Variants in DLG2 observed in about 807,000 individuals in gnomAD.
The protein encoded by DLG2 is discs large MAGUK scaffold protein 2.
DLG2 carries 45 observed loss-of-function variants against 132.5 expected under a neutral mutation model. That is an observed-to-expected ratio of 0.34 (90% CI 0.27 to 0.44). The LOEUF is 0.44. Ranked by LOEUF, DLG2 falls within the 20% of genes least tolerant of loss-of-function variation. DLG2 has a pLI of 1.00. For missense variants in DLG2, 1,045 were observed against 1,196.9 expected, an observed-to-expected ratio of 0.87 and a Z score of 1.87; for synonymous variants, 424 against 419.6, an observed-to-expected ratio of 1.01 and a Z score of -0.13.
intron 7 of DLG2, among the ~76,000 whole-genome samples, chr11:84,424,504 T>C (rs1226891926): frequency 6.6e-6 from 1 of 152,076 alleles, no homozygotes; most frequent in African/African-American, 2.4e-5. Context: ...ATTCTTATAA[T>C]AGTGCCTATG....
At chr11:84,613,953 G>A (rs917063712) in intron 6 of DLG2, among the ~76,000 whole-genome samples, 8 of 152,102 alleles carry the variant, frequency 5.3e-5, no homozygotes, top group Non-Finnish European at 1.0e-4. Flanking sequence ...TTGTAAAGTG[G>A]GACCTTGCCT....
Position 85,208,871 on chromosome 11 carries a change from C to T in DLG2, c.187-54220G>A, listed in dbSNP as rs562907998. Among the ~76,000 whole-genome samples, 357 of 152,132 alleles carry T rather than the reference C, an allele frequency of 2.3e-3. 3 individuals are homozygous for T. The highest frequency in any genetic ancestry group is 0.014 in the South Asian group (67 of 4,802). On this transcript the variant is annotated intron_variant, in intron 4 of 27. Coordinates refer to ENST00000376104, the MANE Select transcript of DLG2 (RefSeq NM_001142699.3). Reference sequence around the variant, plus strand: ...ACAAGGGAGGGATAGAAGGGCTCTCCGGGGAGAGGTGAGAAGGAGTCCTTC... The same window carrying T: ...ACAAGGGAGGGATAGAAGGGCTCTCTGGGGAGAGGTGAGAAGGAGTCCTTC...
At chr11:84,461,626 T>G (rs1416766854) in intron 7 of DLG2, among the ~76,000 whole-genome samples, 3 of 151,064 alleles carry the variant, frequency 2.0e-5, no homozygotes, top group African/African-American at 7.3e-5. Flanking sequence ...AGGACTTCAT[T>G]GAAGACTTGA....
chr11:84,315,680 C>G (rs1245431543), intron 7 of DLG2, among the ~76,000 whole-genome samples: 1 of 152,056 alleles, frequency 6.6e-6, no homozygotes, highest in Non-Finnish European at 1.5e-5. Flanking sequence ...TTATTTAAAT[C>G]AGGAGGCTGA....
intron 9 of DLG2, among the ~76,000 whole-genome samples, chr11:84,119,487 A>C (rs950484081): frequency 6.6e-6 from 1 of 151,638 alleles, no homozygotes; most frequent in Non-Finnish European, 1.5e-5. Context: ...TCATACAGGT[A>C]ATATATTCAT....
chr11:84,908,092 C>T (rs545625992), intron 6 of DLG2, among the ~76,000 whole-genome samples: 6 of 151,886 alleles, frequency 4.0e-5, no homozygotes, highest in Non-Finnish European at 7.4e-5. Context: ...ATGGAAAGAA[C>T]GAGTTACCCT....
intron 6 of DLG2, among the ~76,000 whole-genome samples, chr11:85,003,944 C>T (rs774758042): frequency 6.6e-6 from 1 of 152,142 alleles, no homozygotes; most frequent in Non-Finnish European, 1.5e-5. Flanking sequence ...TTGTTCAACT[C>T]CCACTTATGA....
chr11:84,106,813 C>CTG lies in DLG2; in HGVS notation c.625-7768_625-7767dup, dbSNP rs71066090. On this transcript the variant is annotated intron_variant, in intron 9 of 27. Transcript: ENST00000376104. ...AAACACAGTGAAAGTAGATTATTAT[C>CTG]TGTGTGTGTGTGTGTGTGTGTGTGT... Among the ~76,000 whole-genome samples the CTG allele has an allele frequency of 6.0e-3, 791 of 132,900 alleles. 2 individuals are homozygous for CTG. Among genetic ancestry groups the CTG allele is most frequent in the African/African-American group, 0.014 (533 of 37,488 alleles). The allele number at this position is 132,900 out of a possible 152,430, so 87.2% of individuals were successfully genotyped here. A position where few individuals can be genotyped will look rare whatever the true frequency, so the allele number is the denominator to read the frequency against.
At chr11:84,323,448 G>C (rs542423062) in intron 7 of DLG2, among the ~76,000 whole-genome samples, 1 of 152,138 alleles carries the variant, frequency 6.6e-6, no homozygotes, top group East Asian at 1.9e-4. Flanking sequence ...TTCATCAATG[G>C]ACATTTAGGT....
At chr11:83,906,242 C>G (rs2074801800) in intron 15 of DLG2, among the ~76,000 whole-genome samples, 1 of 91,544 alleles carries the variant, frequency 1.1e-5, no homozygotes, top group Non-Finnish European at 2.3e-5. Context: ...GTCTCTCTCT[C>G]TCTCTCTCTC....
At chr11:85,541,988 C>A (rs2076003210) in intron 3 of DLG2, among the ~76,000 whole-genome samples, 1 of 151,990 alleles carries the variant, frequency 6.6e-6, no homozygotes, top group Non-Finnish European at 1.5e-5. Flanking sequence ...CAGCTTGACA[C>A]CTGAAGTAAT....
chr11:84,303,192 A>G (rs1174096405), intron 7 of DLG2, among the ~76,000 whole-genome samples: 1 of 152,190 alleles, frequency 6.6e-6, no homozygotes, highest in African/African-American at 2.4e-5. Flanking sequence ...AACAGGTATT[A>G]TAGAGATTGA....
chr11:84,973,716 T>C (rs138623137), intron 6 of DLG2, among the ~76,000 whole-genome samples: 62 of 152,280 alleles, frequency 4.1e-4, no homozygotes, highest in African/African-American at 1.5e-3. Flanking sequence ...ATAGTAAATA[T>C]TCTAGGCTTT....
chr11:83,618,915 T>C (rs1446370699), intron 19 of DLG2, among the ~76,000 whole-genome samples: 1 of 152,234 alleles, frequency 6.6e-6, no homozygotes, highest in Non-Finnish European at 1.5e-5. Flanking sequence ...GTGTTCACAA[T>C]AATAGCTTAT....
At chr11:84,188,596 T>G (rs199768618) in intron 8 of DLG2, among the ~76,000 whole-genome samples, 1 of 152,168 alleles carries the variant, frequency 6.6e-6, no homozygotes, top group South Asian at 2.1e-4. Context: ...AGAAAATTTC[T>G]TCCCACTGAG....
intron 8 of DLG2, among the ~76,000 whole-genome samples, chr11:84,248,095 A>T (rs181922930): frequency 2.6e-5 from 4 of 152,190 alleles, no homozygotes; most frequent in Non-Finnish European, 5.9e-5. Context: ...GAATGAGAAA[A>T]TAGACTGTGA....
At chr11:84,318,959 T>G (rs548778814) in intron 7 of DLG2, among the ~76,000 whole-genome samples, 1 of 152,270 alleles carries the variant, frequency 6.6e-6, no homozygotes, top group South Asian at 2.1e-4. Context: ...TTGATACACA[T>G]TTTTAAAATA....
chr11:84,667,503 T>TTTTG (rs1555150394), intron 6 of DLG2, among the ~76,000 whole-genome samples: 4 of 115,536 alleles, frequency 3.5e-5, no homozygotes, highest in South Asian at 5.6e-4. Context: ...TTTTTGTTTT[T>TTTTG]TTTTTTTTTT....
chr11:83,637,252 A>G (rs2065092799), intron 18 of DLG2, among the ~76,000 whole-genome samples: 1 of 152,200 alleles, frequency 6.6e-6, no homozygotes, highest in Non-Finnish European at 1.5e-5. Context: ...TGTTTTACTC[A>G]TATCTATGCC....
Sources: gnomAD v4.1 joint callset for allele counts (sites outside exome capture counted in the v4.1 genomes callset) on GRCh38, gnomAD v4.1.1 for gene constraint, MANE v1.5 for transcripts, NCBI Gene and HGNC (gene_info 2026-07-23, HGNC 2026-07-21) for gene names.